LIN28B: variants seen among roughly 807,000 people sequenced by gnomAD.
LIN28B encodes protein lin-28 homolog B.
A neutral mutation model predicts 21.9 loss-of-function variants in LIN28B; 5 were observed. The ratio of observed to expected loss-of-function variants is 0.23; its 90% confidence interval spans 0.12 to 0.48. LIN28B has a LOEUF of 0.48. Ranked by LOEUF, LIN28B falls within the 20% of genes least tolerant of loss-of-function variation. The pLI is 0.98. For missense variants in LIN28B, 245 were observed against 310.5 expected (o/e 0.79, Z 1.58); for synonymous variants, 109 against 111.3 (o/e 0.98, Z 0.13).
chr6:105,061,947 G>A (rs949113196), intron 3 of LIN28B, among the ~76,000 whole-genome samples: 3 of 151,674 alleles, frequency 2.0e-5, no homozygotes, highest in Admixed American at 2.0e-4. Flanking sequence ...AGTAGTCTTC[G>A]TTTCCATTTT....
At chr6:104,942,176 TGTA>T (rs1778103751) in intron 2 of LIN28B, among the ~76,000 whole-genome samples, 1 of 152,204 alleles carries the variant, frequency 6.6e-6, no homozygotes, top group Non-Finnish European at 1.5e-5. Flanking sequence ...CCTATTCTAT[TGTA>T]GTTTTTTATT....
chr6:104,983,071 G>C (rs1770259832), intron 2 of LIN28B, among the ~76,000 whole-genome samples: 1 of 152,092 alleles, frequency 6.6e-6, no homozygotes, highest in Non-Finnish European at 1.5e-5. Flanking sequence ...ACCTTCCAAA[G>C]TGCTGGCCAT....
intron 2 of LIN28B, among the ~76,000 whole-genome samples, chr6:104,975,255 A>G (rs1244107049): frequency 2.6e-5 from 4 of 152,168 alleles, no homozygotes; most frequent in East Asian, 3.8e-4. Flanking sequence ...TGATTATTCT[A>G]TAATAGAATA....
At chr6:104,991,859 G>A (rs1377991131) in intron 2 of LIN28B, among the ~76,000 whole-genome samples, 3 of 152,292 alleles carry the variant, frequency 2.0e-5, no homozygotes, top group Admixed American at 6.5e-5. Flanking sequence ...AAAAAAATAC[G>A]AAAACAGTCG....
At chr6:105,045,923 C>T (rs553975570) in intron 3 of LIN28B, among the ~76,000 whole-genome samples, 1 of 151,632 alleles carries the variant, frequency 6.6e-6, no homozygotes, top group Admixed American at 6.6e-5. Context: ...ATCTAAAACC[C>T]ATCTTCTTTC....
At chr6:104,956,659 G>C (rs1778294753), upstream of LIN28B, among the ~76,000 whole-genome samples, 1 of 152,058 alleles carries the variant, frequency 6.6e-6, no homozygotes, top group Non-Finnish European at 1.5e-5. Flanking sequence ...TATGAAATTA[G>C]CGTTCCAAGC....
upstream of LIN28B, among the ~76,000 whole-genome samples, chr6:104,956,330 T>C (rs1452821897): frequency 2.6e-5 from 4 of 152,122 alleles, no homozygotes; most frequent in East Asian, 5.8e-4. Flanking sequence ...TGGGCTGTTA[T>C]TTAGGAAGTC....
At chr6:104,937,238 G>A (rs1244947605) in intron 2 of LIN28B, 1 of 151,906 alleles carries the variant, frequency 6.6e-6, no homozygotes, top group Non-Finnish European at 1.5e-5. Context: ...GTACTGGTCG[G>A]GCGGGCAACC....
chr6:104,975,493 T>G (rs1770071129), intron 2 of LIN28B, among the ~76,000 whole-genome samples: 1 of 152,176 alleles, frequency 6.6e-6, no homozygotes, highest in Non-Finnish European at 1.5e-5. Context: ...AGCCACTGGT[T>G]TAACTTCTCT....
intron 3 of LIN28B, among the ~76,000 whole-genome samples, chr6:105,040,089 T>C (rs899024126): frequency 2.0e-5 from 3 of 152,166 alleles, no homozygotes; most frequent in Non-Finnish European, 2.9e-5. Context: ...TGTGGATGGC[T>C]GCTAAATTAT....
chr6:104,957,071 AG>A, upstream of LIN28B: 1 of 1,483,472 alleles, frequency 6.7e-7, no homozygotes, highest in East Asian at 2.5e-5. Flanking sequence ...ACGTGTGCTC[AG>A]GGGGCCAGAA....
intron 2 of LIN28B, among the ~76,000 whole-genome samples, chr6:104,981,644 A>C (rs573448063): frequency 6.6e-6 from 1 of 152,352 alleles, no homozygotes; most frequent in East Asian, 1.9e-4. Flanking sequence ...GCCGCTTCCT[A>C]TTCAAAAGAC....
intron 3 of LIN28B, among the ~76,000 whole-genome samples, chr6:105,035,638 G>C (rs1362913398): frequency 2.6e-5 from 4 of 152,092 alleles, no homozygotes; most frequent in Admixed American, 6.6e-5. Context: ...GTGTTTGTTG[G>C]AATCAGAAAA....
chr6:105,053,345 ATGG>A (rs1265020388), intron 3 of LIN28B, among the ~76,000 whole-genome samples: 1 of 151,258 alleles, frequency 6.6e-6, no homozygotes, highest in Non-Finnish European at 1.5e-5. Flanking sequence ...TAATTAGATA[ATGG>A]TGGTCGATAG....
At chr6:105,023,743 A>G (rs1449587501) in intron 2 of LIN28B, among the ~76,000 whole-genome samples, 2 of 137,698 alleles carry the variant, frequency 1.5e-5, no homozygotes, top group Non-Finnish European at 3.0e-5. Context: ...TTTTTAAAGT[A>G]TTCTTTCAGA....
intron 2 of LIN28B, among the ~76,000 whole-genome samples, chr6:104,946,671 G>T (rs1264010545): frequency 6.6e-6 from 1 of 152,072 alleles, no homozygotes; most frequent in Non-Finnish European, 1.5e-5. Flanking sequence ...ATGATTTTAA[G>T]TAATGTTATT....
intron 3 of LIN28B, among the ~76,000 whole-genome samples, chr6:105,072,531 T>C (rs1772351374): frequency 6.6e-6 from 1 of 152,110 alleles, no homozygotes; most frequent in Non-Finnish European, 1.5e-5. Flanking sequence ...TTCCAGAAGA[T>C]CCAAATGAAA....
intron 3 of LIN28B, among the ~76,000 whole-genome samples, chr6:105,038,573 G>A (rs1771570742): frequency 1.3e-5 from 2 of 152,154 alleles, no homozygotes; most frequent in African/African-American, 4.8e-5. Context: ...TCTTGTACAA[G>A]TTTCTCTTTT....
rs149707668 is a variant in LIN28B at position 104,975,942 on chromosome 6, A to G, written c.198+17656A>G. On this transcript the variant is annotated intron_variant, in intron 2 of 3. Coordinates refer to ENST00000345080, the MANE Select transcript of LIN28B (RefSeq NM_001004317.4). ...TCCGATTACCCCACCTTGGCCTCCC[A>G]AAGTGCTGAGATTACAGGCATGAGC... Among the ~76,000 whole-genome samples the G allele has an allele frequency of 1.4e-3, 214 of 148,748 alleles. 1 individual carries two copies. Among genetic ancestry groups the G allele is most frequent in the African/African-American group, 5.1e-3 (205 of 40,084 alleles).
Sources: allele counts gnomAD v4.1 joint callset (sites outside exome capture counted in the v4.1 genomes callset), GRCh38; gene constraint gnomAD v4.1.1; transcripts MANE v1.5; gene names NCBI Gene and HGNC (gene_info 2026-07-23, HGNC 2026-07-21).